The following SUGCT variants were observed in gnomAD, a reference collection of about 807,000 sequenced individuals.
SUGCT encodes the protein succinyl-CoA:glutarate-CoA transferase.
In SUGCT, 41 loss-of-function variants were observed where a neutral mutation model predicts 55.0. The observed-to-expected ratio is 0.74, with a 90% CI of 0.58 to 0.97. The LOEUF (loss-of-function observed/expected upper bound fraction) is 0.97, where lower values mean the gene tolerates loss of function less well. SUGCT is among the 50% of genes least tolerant of loss of function. SUGCT has a pLI of 0.00. For missense variants in SUGCT, 568 were observed against 547.8 expected, an observed-to-expected ratio of 1.04 and a Z score of -0.37; for synonymous variants, 187 against 200.4, an observed-to-expected ratio of 0.93 and a Z score of 0.56.
rs527480420 is a variant in SUGCT at position 40,612,697 on chromosome 7, T to C, written c.1089+116311T>C. On this transcript the variant is annotated intron_variant, in intron 12 of 13. Coordinates refer to ENST00000335693, the MANE Select transcript of SUGCT (RefSeq NM_001193313.2). Reference sequence around the variant, plus strand: ...TACAGCTTGTATCTCACAGGTTAGCTATGAAGATTAAATGAGAAAAACCTG... The same window carrying C: ...TACAGCTTGTATCTCACAGGTTAGCCATGAAGATTAAATGAGAAAAACCTG... 6.6e-5 allele frequency among the ~76,000 whole-genome samples: 10 copies of C among 152,336 alleles called. No individual in the cohort carries two copies. In the South Asian group the frequency reaches 1.7e-3, roughly 25 times the overall value.
At chr7:40,140,286 T>C (rs949152388) in intron 1 of SUGCT, among the ~76,000 whole-genome samples, 15 of 152,234 alleles carry the variant, frequency 9.9e-5, no homozygotes, top group Non-Finnish European at 1.9e-4. Flanking sequence ...CAGCACCTTT[T>C]ACTGAAAAGG....
the SUGCT span, among the ~76,000 whole-genome samples, chr7:40,931,956 C>T: frequency 2.0e-5 from 3 of 152,028 alleles, no homozygotes; most frequent in South Asian, 6.2e-4. Context: ...TGTTTCTTGC[C>T]TTCTGCTAGC....
At chr7:40,394,712 C>G (rs912042034) in intron 9 of SUGCT, among the ~76,000 whole-genome samples, 3 of 152,296 alleles carry the variant, frequency 2.0e-5, no homozygotes, top group Middle Eastern at 3.4e-3. Flanking sequence ...CCCTGGTAAC[C>G]ACCATTCTAT....
intron 12 of SUGCT, among the ~76,000 whole-genome samples, chr7:40,735,627 A>G (rs931885280): frequency 8.5e-5 from 13 of 152,324 alleles, no homozygotes; most frequent in African/African-American, 2.9e-4. Context: ...TAGGTGGGAG[A>G]TAGAATAGAA....
At chr7:40,496,097 A>G (rs1223195629) in intron 11 of SUGCT, among the ~76,000 whole-genome samples, 187 bp from the exon 12 acceptor site, 1 of 152,150 alleles carries the variant, frequency 6.6e-6, no homozygotes, top group Admixed American at 6.5e-5. Flanking sequence ...CTGGGTGGCT[A>G]CTCTTATCCA....
chr7:40,817,688 A>G (rs1241892098), intron 13 of SUGCT, among the ~76,000 whole-genome samples: 1 of 152,202 alleles, frequency 6.6e-6, no homozygotes. Flanking sequence ...ATGAACATAT[A>G]TATAGTTCTT....
intron 12 of SUGCT, among the ~76,000 whole-genome samples, chr7:40,727,468 G>GT (rs950333891): frequency 3.3e-5 from 5 of 152,096 alleles, no homozygotes; most frequent in Admixed American, 3.3e-4. Flanking sequence ...GGCCCTGATA[G>GT]TTTTTTTATG....
intron 12 of SUGCT, among the ~76,000 whole-genome samples, chr7:40,617,475 A>ATGTG (rs34487309): frequency 0.028 from 4,020 of 143,602 alleles, 104 homozygotes; most frequent in African/African-American, 0.069. Flanking sequence ...TTAGATTTAT[A>ATGTG]TGTGTGTGTG....
chr7:40,483,904 G>C (rs1791192422), intron 11 of SUGCT, among the ~76,000 whole-genome samples: 1 of 152,090 alleles, frequency 6.6e-6, no homozygotes. Context: ...AAGTGCAATT[G>C]GGCAAAATCT....
chr7:40,562,334 G>T lies in SUGCT; in HGVS notation c.1089+65948G>T, dbSNP rs193206996. 9.7e-4 allele frequency among the ~76,000 whole-genome samples: 147 copies of T among 151,526 alleles called. 1 individual carries two copies. The highest frequency in any genetic ancestry group is 3.4e-3 in the African/African-American group (142 of 41,348). On this transcript the variant is annotated intron_variant, in intron 12 of 13. Coordinates refer to ENST00000335693, the MANE Select transcript of SUGCT (RefSeq NM_001193313.2). ...AAAAAAGGTGAATGCCACTTTATCT[G>T]GTAGAAAATGCAGGATGGGTCATTC...
chr7:40,478,436 G>T (rs1308711969), intron 11 of SUGCT, among the ~76,000 whole-genome samples: 1 of 152,142 alleles, frequency 6.6e-6, no homozygotes, highest in East Asian at 1.9e-4. Flanking sequence ...TGCTTTTATT[G>T]ATGATGAAAC....
intron 12 of SUGCT, among the ~76,000 whole-genome samples, chr7:40,747,122 C>T (rs1158175577): frequency 2.0e-5 from 3 of 152,126 alleles, no homozygotes; most frequent in African/African-American, 2.4e-5. Flanking sequence ...CTAACACTGG[C>T]GAGAATTTTA....
At chr7:40,771,636 G>A (rs76020617) in intron 13 of SUGCT, among the ~76,000 whole-genome samples, 2,069 of 152,124 alleles carry the variant, frequency 0.014, 143 homozygotes, top group East Asian at 0.093. Flanking sequence ...TCAATATGTA[G>A]GTCTTCCATT....
At chr7:40,258,755 A>G (rs965197455) in intron 7 of SUGCT, among the ~76,000 whole-genome samples, 5 of 152,196 alleles carry the variant, frequency 3.3e-5, no homozygotes, top group African/African-American at 1.2e-4. Context: ...TAATGTGGCC[A>G]TTATGGAAAG....
At chr7:40,375,101 A>G (rs1003785935) in intron 9 of SUGCT, among the ~76,000 whole-genome samples, 1 of 152,206 alleles carries the variant, frequency 6.6e-6, no homozygotes, top group African/African-American at 2.4e-5. Context: ...CCATTAGTAC[A>G]GACAGCGTCA....
At chr7:40,370,815 G>T (rs1358337235) in intron 9 of SUGCT, among the ~76,000 whole-genome samples, 1 of 151,948 alleles carries the variant, frequency 6.6e-6, no homozygotes, top group Non-Finnish European at 1.5e-5. Flanking sequence ...TTTATAAAGT[G>T]CTGTAACTGC....
chr7:40,137,368 C>T (rs1161202075), intron 1 of SUGCT, among the ~76,000 whole-genome samples: 1 of 152,048 alleles, frequency 6.6e-6, no homozygotes, highest in Non-Finnish European at 1.5e-5. Flanking sequence ...TCAAGCATTC[C>T]TCTCTCCTGC....
At chr7:40,713,566 C>T (rs1785844821) in intron 12 of SUGCT, among the ~76,000 whole-genome samples, 2 of 152,240 alleles carry the variant, frequency 1.3e-5, no homozygotes, top group South Asian at 2.1e-4. Context: ...CAGTTTTCAC[C>T]ACTGCCTTGC....
intron 6 of SUGCT, among the ~76,000 whole-genome samples, chr7:40,237,362 T>G (rs1186125990): frequency 1.3e-5 from 2 of 151,894 alleles, no homozygotes; most frequent in Non-Finnish European, 2.9e-5. Flanking sequence ...GAGAATCACT[T>G]GAACCTGGGA....
Sources: gnomAD v4.1 joint callset for allele counts (sites outside exome capture counted in the v4.1 genomes callset) on GRCh38, gnomAD v4.1.1 for gene constraint, MANE v1.5 for transcripts, NCBI Gene and HGNC (gene_info 2026-07-23, HGNC 2026-07-21) for gene names.